Variants in FSIP1 observed in about 807,000 individuals in gnomAD.
FSIP1 encodes the protein fibrous sheath-interacting protein 1.
In FSIP1, 65 loss-of-function variants were observed where a neutral mutation model predicts 60.9. The observed-to-expected ratio is 1.07, with a 90% confidence interval of 0.87 to 1.31. The LOEUF (loss-of-function observed/expected upper bound fraction) is 1.31. Among genes scored for constraint, FSIP1 ranks in the 40% most tolerant of loss-of-function variants. FSIP1 has a pLI of 0.00. For missense variants in FSIP1, 675 were observed against 665.5 expected (o/e 1.01, Z -0.16); for synonymous variants, 209 against 221.2 (o/e 0.94, Z 0.49).
At chr15:39,624,947 G>T (rs1891578210) in intron 10 of FSIP1, among the ~76,000 whole-genome samples, 1 of 152,230 alleles carries the variant, frequency 6.6e-6, no homozygotes, top group Non-Finnish European at 1.5e-5. Context: ...CAGCAGCCAG[G>T]AGGCTCAGTG....
intron 5 of FSIP1, among the ~76,000 whole-genome samples, chr15:39,750,770 A>C (rs756115133): frequency 4.0e-5 from 6 of 151,806 alleles, no homozygotes; most frequent in African/African-American, 9.7e-5. Context: ...AGAATACAAA[A>C]GCAAAAATAA....
At chr15:39,713,723 TTAAA>T in intron 9 of FSIP1, 142 bp from the exon 10 acceptor site, 1 of 685,864 alleles carries the variant, frequency 1.5e-6, no homozygotes, top group Non-Finnish European at 2.3e-6. Context: ...GTATAACGCT[TTAAA>T]GTCTTCCCAT....
rs1891294690 is a variant in FSIP1 at position 39,617,893 on chromosome 15, A to G, written c.1541T>C (p.Ile514Thr). 1.1e-5 allele frequency: 17 copies of G among 1,614,182 alleles called. No homozygotes were observed. The highest frequency in any genetic ancestry group is 1.4e-5 in the Non-Finnish European group (17 of 1,180,020). Residue 514 changes from isoleucine to threonine, a missense_variant, in exon 11 of 12, where the codon ATT becomes ACT. By Grantham distance (89) the Ile-to-Thr change is moderately conservative. Coordinates refer to ENST00000350221, the MANE Select transcript of FSIP1 (RefSeq NM_152597.5). ...AAAATAGTCTTTTGTGTCACTAATA[A>G]TAACGTCCTTGGAAAATTGAAGGCA... ...MKCLQFSKDVIISDTKDYFMS... is the reference protein window; with the variant it reads ...MKCLQFSKDVTISDTKDYFMS...
intron 1 of FSIP1, among the ~76,000 whole-genome samples, chr15:39,777,560 AG>A (rs898902666): frequency 7.2e-5 from 11 of 152,242 alleles, no homozygotes. Flanking sequence ...AATACTAGGC[AG>A]GGTGGCATAA....
At chr15:39,685,677 T>C (rs1894337182) in intron 10 of FSIP1, among the ~76,000 whole-genome samples, 1 of 152,238 alleles carries the variant, frequency 6.6e-6, no homozygotes, top group Non-Finnish European at 1.5e-5. Context: ...TAATGAGGTA[T>C]GTGCTTACTG....
chr15:39,637,322 GATGGTGGAT>G (rs1391786840), intron 10 of FSIP1, among the ~76,000 whole-genome samples: 1 of 152,176 alleles, frequency 6.6e-6, no homozygotes, highest in Non-Finnish European at 1.5e-5. Context: ...TAATTGAAAC[GATGGTGGAT>G]ATTCCCACAT....
At chr15:39,722,094 C>T (rs569079196) in intron 9 of FSIP1, among the ~76,000 whole-genome samples, 2 of 152,218 alleles carry the variant, frequency 1.3e-5, no homozygotes, top group Admixed American at 6.5e-5. Flanking sequence ...CTCATGTTAC[C>T]GCCTGAGCTC....
Position 39,726,590 on chromosome 15 carries a change from T to G in FSIP1, c.1049A>C (p.Gln350Pro). ...FSPRLENRNNQKPDRDGERNM... is the reference protein window; with the variant it reads ...FSPRLENRNNPKPDRDGERNM... ...ACAGTCTATGGGTTCTTCAAATACC[T>G]GATTATTCCGATTTTCAAGTCTTGG... The change falls in exon 9 of 12, where the codon CAG becomes CCG. Residue 350 changes from glutamine to proline, a missense_variant and splice_region_variant. Physicochemically the swap from Gln to Pro is moderately conservative, Grantham distance 76 (BLOSUM62 -1). Transcript: ENST00000350221. 6.2e-7 allele frequency: 1 copy of G among 1,614,060 alleles called. No individual in the cohort carries two copies. Among genetic ancestry groups the G allele is most frequent in the South Asian group, 1.1e-5 (1 of 91,078 alleles).
chr15:39,680,022 G>T (rs756069195), intron 10 of FSIP1, among the ~76,000 whole-genome samples: 60 of 152,122 alleles, frequency 3.9e-4, no homozygotes, highest in Non-Finnish European at 7.9e-4. Flanking sequence ...AGCTCCCACA[G>T]TACTTAACTA....
At chr15:39,743,222 G>A (rs74737112) in intron 5 of FSIP1, among the ~76,000 whole-genome samples, 2,573 of 152,184 alleles carry the variant, frequency 0.017, 86 homozygotes, top group African/African-American at 0.059. Context: ...GGTGATCAGC[G>A]ACTATCTGAG....
chr15:39,706,902 A>G (rs1895294949), intron 10 of FSIP1, among the ~76,000 whole-genome samples: 1 of 152,206 alleles, frequency 6.6e-6, no homozygotes, highest in Non-Finnish European at 1.5e-5. Flanking sequence ...ACATCTTTTC[A>G]AGATACATAG....
chr15:39,674,300 C>A (rs966979145), intron 10 of FSIP1, among the ~76,000 whole-genome samples: 37 of 152,102 alleles, frequency 2.4e-4, no homozygotes, highest in African/African-American at 8.2e-4. Context: ...GTGATCCGCC[C>A]GCCTCGGCCT....
chr15:39,699,502 T>C (rs1310830419), intron 10 of FSIP1, among the ~76,000 whole-genome samples: 2 of 152,246 alleles, frequency 1.3e-5, no homozygotes, highest in Non-Finnish European at 2.9e-5. Flanking sequence ...CATGTATCTT[T>C]GTTGATAGTA....
intron 5 of FSIP1, among the ~76,000 whole-genome samples, chr15:39,749,256 A>C: frequency 6.8e-6 from 1 of 147,050 alleles, no homozygotes. Flanking sequence ...TACTTCTTAA[A>C]CTCTTCCAAA....
intron 10 of FSIP1, among the ~76,000 whole-genome samples, chr15:39,683,171 T>C (rs981136617): frequency 6.6e-6 from 1 of 152,208 alleles, no homozygotes; most frequent in African/African-American, 2.4e-5. Context: ...ACAAGCCTAC[T>C]TGTTCTCTGC....
chr15:39,733,569 C>T (rs1896494157), intron 8 of FSIP1, among the ~76,000 whole-genome samples: 1 of 151,998 alleles, frequency 6.6e-6, no homozygotes, highest in Admixed American at 6.5e-5. Context: ...ACCTCTACTA[C>T]AAAAAAAGAG....
Position 39,770,513 on chromosome 15 carries a change from C to T in FSIP1, c.224G>A (p.Ser75Asn). The T allele has an allele frequency of 6.2e-7, 1 of 1,611,714 alleles. No individual in the cohort carries two copies. The highest frequency in any genetic ancestry group is 1.3e-5 in the African/African-American group (1 of 74,962). ...RRTSNDDKQE[S>N]CSEKIKLAEE... ...AGCCAATTTTATTTTCTCAGAGCAGCTTTCCTGCTTATCATCATTACTAGT... is the reference window on the plus strand; with the variant it reads ...AGCCAATTTTATTTTCTCAGAGCAGTTTTCCTGCTTATCATCATTACTAGT... The change falls in exon 3 of 12, where the codon AGC becomes AAC. Residue 75 changes from serine to asparagine, a missense_variant. By Grantham distance (46) the Ser-to-Asn change is conservative. Coordinates refer to ENST00000350221, the MANE Select transcript of FSIP1 (RefSeq NM_152597.5).
At chr15:39,688,639 A>G (rs537456359) in intron 10 of FSIP1, among the ~76,000 whole-genome samples, 1 of 152,374 alleles carries the variant, frequency 6.6e-6, no homozygotes, top group African/African-American at 2.4e-5. Flanking sequence ...GCAAAGGTAT[A>G]GGACTGCAGA....
chr15:39,727,183 T>C (rs891250848), intron 8 of FSIP1, among the ~76,000 whole-genome samples: 1 of 152,270 alleles, frequency 6.6e-6, no homozygotes, highest in African/African-American at 2.4e-5. Flanking sequence ...TTTCACAAAC[T>C]TAATTGATCA....
Sources: allele counts gnomAD v4.1 joint callset (sites outside exome capture counted in the v4.1 genomes callset), GRCh38; gene constraint gnomAD v4.1.1; transcripts MANE v1.5; gene names NCBI Gene and HGNC (gene_info 2026-07-23, HGNC 2026-07-21).